TPTE2: variants seen among roughly 807,000 people sequenced by gnomAD.
TPTE2 encodes the protein transmembrane phosphoinositide 3-phosphatase and tensin homolog 2, also known as phosphatidylinositol 3,4,5-trisphosphate 3-phosphatase TPTE2.
A neutral mutation model predicts 78.6 loss-of-function variants in TPTE2; 53 were observed. The ratio of observed to expected loss-of-function variants is 0.67; its 90% CI spans 0.54 to 0.85. The LOEUF is 0.85. TPTE2 is among the 40% of genes least tolerant of loss of function. The pLI is 0.00. For synonymous variants in TPTE2, 175 were observed against 206.2 expected, an observed-to-expected ratio of 0.85 and a Z score of 1.30; for missense variants, 461 against 623.0, an observed-to-expected ratio of 0.74 and a Z score of 2.77.
intron 1 of TPTE2, among the ~76,000 whole-genome samples, chr13:19,509,872 T>C (rs1036478862): frequency 6.6e-6 from 1 of 152,206 alleles, no homozygotes; most frequent in Non-Finnish European, 1.5e-5. Context: ...AACTGTTTCA[T>C]AGGTGGTATT....
intron 10 of TPTE2, chr13:19,458,607 T>G: frequency 2.1e-6 from 1 of 472,794 alleles, no homozygotes; most frequent in Non-Finnish European, 4.3e-6. Flanking sequence ...GTCTTCCACC[T>G]GAAGAGACCA....
chr13:19,483,953 T>A lies in TPTE2; in HGVS notation c.120-1406A>T, dbSNP rs560253957. ...CTCCCCCTACCCAATCAGGCCCCAGTGTGTGATATCCCCCTTCCCGTGTCC... is the reference window on the plus strand; with the variant it reads ...CTCCCCCTACCCAATCAGGCCCCAGAGTGTGATATCCCCCTTCCCGTGTCC... On this transcript the variant is annotated intron_variant, in intron 3 of 19. Transcript: ENST00000400230. Among the ~76,000 whole-genome samples, 164 of 113,560 alleles carry A rather than the reference T, an allele frequency of 1.4e-3. 2 individuals are homozygous for A. Among genetic ancestry groups the A allele is most frequent in the African/African-American group, 5.4e-3 (158 of 29,358 alleles). 74.5% of individuals were successfully genotyped at this position (113,560 alleles called of 152,430 possible).
At chr13:19,520,044 C>G (rs1461611591) in intron 1 of TPTE2, among the ~76,000 whole-genome samples, 2 of 152,014 alleles carry the variant, frequency 1.3e-5, no homozygotes, top group Non-Finnish European at 2.9e-5. Flanking sequence ...TTTGAGCCTA[C>G]TCATTGCTAA....
intron 15 of TPTE2, among the ~76,000 whole-genome samples, chr13:19,435,486 G>A (rs1877008254): frequency 6.6e-6 from 1 of 152,098 alleles, no homozygotes; most frequent in Non-Finnish European, 1.5e-5. Flanking sequence ...GCTGGCGCCG[G>A]CTGAAATGAC....
At chr13:19,539,429 T>C (rs1258247452), upstream of TPTE2, among the ~76,000 whole-genome samples, 1 of 152,204 alleles carries the variant, frequency 6.6e-6, no homozygotes, top group Non-Finnish European at 1.5e-5. Flanking sequence ...ACACGCTCTC[T>C]TGCCTGCCAC....
intron 2 of TPTE2, among the ~76,000 whole-genome samples, chr13:19,493,220 G>C (rs1191599565): frequency 2.0e-5 from 3 of 151,772 alleles, no homozygotes; most frequent in African/African-American, 7.3e-5. Context: ...AGGCTCCTGA[G>C]AGTAAATTTC....
At chr13:19,458,641 C>T (rs923558150) in intron 10 of TPTE2, 7 of 490,300 alleles carry the variant, frequency 1.4e-5, no homozygotes, top group African/African-American at 9.7e-5. Flanking sequence ...CAGTCTTTTG[C>T]TTGCCTCCCT....
chr13:19,438,142 T>A (rs916240456), exon 14 of TPTE2: 1 of 1,609,226 alleles, frequency 6.2e-7, no homozygotes, highest in Non-Finnish European at 8.5e-7. Context: ...CAAACCATAG[T>A]CCCGGTTCTT....
chr13:19,438,430 C>G (rs1877265726), intron 13 of TPTE2: 1 of 985,176 alleles, frequency 1.0e-6, no homozygotes, highest in Non-Finnish European at 1.2e-6. Flanking sequence ...AAGAAAGCAA[C>G]AATTCATGTC....
intron 1 of TPTE2, among the ~76,000 whole-genome samples, chr13:19,498,130 C>T (rs891592245): frequency 9.2e-5 from 14 of 151,966 alleles, no homozygotes; most frequent in Non-Finnish European, 1.9e-4. Flanking sequence ...AGCAAAGCCT[C>T]CAAGAAATAT....
At chr13:19,520,923 A>C (rs1348865268) in intron 1 of TPTE2, among the ~76,000 whole-genome samples, 1 of 151,982 alleles carries the variant, frequency 6.6e-6, no homozygotes, top group African/African-American at 2.4e-5. Context: ...TTCTCTTACT[A>C]TTCTAACCTC....
intron 15 of TPTE2, among the ~76,000 whole-genome samples, chr13:19,433,873 C>T (rs191920067): frequency 6.6e-6 from 1 of 152,192 alleles, no homozygotes; most frequent in Admixed American, 6.5e-5. Context: ...GGAAACTATG[C>T]ATGACTGCAG....
chr13:19,547,208 A>G, the TPTE2 span, among the ~76,000 whole-genome samples: 6 of 152,190 alleles, frequency 3.9e-5, no homozygotes, highest in Non-Finnish European at 7.3e-5. Context: ...TGTAATCCCA[A>G]CATTCTGGGA....
At chr13:19,494,271 C>G (rs535677886) in intron 1 of TPTE2, among the ~76,000 whole-genome samples, 1 of 152,208 alleles carries the variant, frequency 6.6e-6, no homozygotes, top group Admixed American at 6.5e-5. Context: ...GTTATTTATA[C>G]ACGATACAGT....
chr13:19,524,601 A>G (rs1395511056), intron 1 of TPTE2, among the ~76,000 whole-genome samples: 1 of 152,244 alleles, frequency 6.6e-6, no homozygotes, highest in Non-Finnish European at 1.5e-5. Flanking sequence ...AAATACAAAT[A>G]TTAAAATTAT....
intron 10 of TPTE2, among the ~76,000 whole-genome samples, chr13:19,451,843 G>GTGTGTGTATA (rs1555249617): frequency 6.1e-5 from 9 of 147,028 alleles, no homozygotes; most frequent in African/African-American, 1.8e-4. Flanking sequence ...GTGTGTGTGT[G>GTGTGTGTATA]TATATATGTA....
chr13:19,426,559 A>G, intron 17 of TPTE2, 42 bp from the exon 21 acceptor site: 1 of 1,225,248 alleles, frequency 8.2e-7, no homozygotes, highest in Non-Finnish European at 1.2e-6. Flanking sequence ...AAACCTAGAT[A>G]ACGATAACAA....
chr13:19,543,938 C>T, the TPTE2 span, among the ~76,000 whole-genome samples: 1 of 150,874 alleles, frequency 6.6e-6, no homozygotes, highest in South Asian at 2.1e-4. Context: ...TGGCAATGCC[C>T]GTAGTCCCGG....
upstream of TPTE2, among the ~76,000 whole-genome samples, chr13:19,541,558 G>A (rs1274850598): frequency 6.6e-6 from 1 of 152,168 alleles, no homozygotes; most frequent in African/African-American, 2.4e-5. Context: ...TCAGCATAAA[G>A]TAAGATATTT....
Sources: gnomAD v4.1 joint callset for allele counts (sites outside exome capture counted in the v4.1 genomes callset) on GRCh38, gnomAD v4.1.1 for gene constraint, MANE v1.5 for transcripts, NCBI Gene and HGNC (gene_info 2026-07-23, HGNC 2026-07-21) for gene names.